The following NOS1AP variants were observed in gnomAD, a reference collection of about 807,000 sequenced individuals.
NOS1AP encodes nitric oxide synthase 1 adaptor protein.
NOS1AP carries 21 observed loss-of-function variants against 56.2 expected under a neutral mutation model. That is an observed-to-expected ratio of 0.37 (90% CI 0.26 to 0.54). The LOEUF (loss-of-function observed/expected upper bound fraction) is 0.54. Ranked by LOEUF, NOS1AP falls within the 20% of genes least tolerant of loss-of-function variation. NOS1AP has a pLI of 0.84. For synonymous variants in NOS1AP, 270 were observed against 274.6 expected (o/e 0.98, Z 0.17); for missense variants, 522 against 657.8 (o/e 0.79, Z 2.26).
At chr1:162,278,963 A>G (rs1039526145) in intron 2 of NOS1AP, among the ~76,000 whole-genome samples, 4 of 152,098 alleles carry the variant, frequency 2.6e-5, no homozygotes, top group African/African-American at 9.7e-5. Flanking sequence ...CATTTAGAGG[A>G]GTTTAGAGGA....
chr1:162,286,338 G>T (rs1394941393), intron 2 of NOS1AP, among the ~76,000 whole-genome samples: 1 of 152,226 alleles, frequency 6.6e-6, no homozygotes, highest in Non-Finnish European at 1.5e-5. Context: ...CCGGAGAAGG[G>T]ATGTGGGTGG....
At chr1:162,281,219 T>C (rs1011777635) in intron 2 of NOS1AP, among the ~76,000 whole-genome samples, 1 of 152,242 alleles carries the variant, frequency 6.6e-6, no homozygotes, top group East Asian at 1.9e-4. Context: ...AGATTAGTTC[T>C]TAAAGTCCTT....
chr1:162,142,529 T>A (rs1361137810), intron 1 of NOS1AP, among the ~76,000 whole-genome samples: 1 of 152,180 alleles, frequency 6.6e-6, no homozygotes, highest in African/African-American at 2.4e-5. Flanking sequence ...GAACTAACCT[T>A]TTATTCTTGG....
chr1:162,243,515 G>T (rs1458215831), intron 2 of NOS1AP, among the ~76,000 whole-genome samples: 1 of 152,196 alleles, frequency 6.6e-6, no homozygotes, highest in Non-Finnish European at 1.5e-5. Flanking sequence ...AGACAGAGAA[G>T]AGTGTAAGGT....
chr1:162,233,852 A>G lies in NOS1AP; in HGVS notation c.178-53492A>G, dbSNP rs186947752. On this transcript the variant is annotated intron_variant, in intron 2 of 9. Coordinates refer to ENST00000361897, the MANE Select transcript of NOS1AP (RefSeq NM_014697.3). ...GTATGAGATGTTTAACCTCTTCTCC[A>G]TGCTCCTGAATACTTTGGGATTGGA... 2.5e-3 allele frequency among the ~76,000 whole-genome samples: 377 copies of G among 152,298 alleles called. 1 individual carries two copies. The highest frequency in any genetic ancestry group is 7.7e-3 in the African/African-American group (320 of 41,562).
chr1:162,252,457 A>G (rs1422924652), intron 2 of NOS1AP, among the ~76,000 whole-genome samples: 2 of 152,190 alleles, frequency 1.3e-5, no homozygotes, highest in African/African-American at 4.8e-5. Context: ...CATGGATTGC[A>G]TGTGCAAATT....
At chr1:162,337,553 A>C (rs756664822) in intron 5 of NOS1AP, among the ~76,000 whole-genome samples, 1 of 152,138 alleles carries the variant, frequency 6.6e-6, no homozygotes, top group Non-Finnish European at 1.5e-5. Context: ...ATCTAGTCTG[A>C]ATCACTCTCT....
chr1:162,140,549 G>A (rs1020685240), intron 1 of NOS1AP, among the ~76,000 whole-genome samples: 19 of 152,108 alleles, frequency 1.2e-4, no homozygotes, highest in Admixed American at 2.0e-4. Context: ...GTTCACTGTC[G>A]ATGGACACCT....
chr1:162,174,476 G>A (rs1650963738), intron 2 of NOS1AP, among the ~76,000 whole-genome samples: 4 of 151,534 alleles, frequency 2.6e-5, no homozygotes, highest in Non-Finnish European at 5.9e-5. Context: ...GAGTTAATGG[G>A]TGCAGCACAC....
chr1:162,323,393 A>G (rs1019149974), intron 4 of NOS1AP, among the ~76,000 whole-genome samples: 2 of 152,244 alleles, frequency 1.3e-5, no homozygotes, highest in Non-Finnish European at 2.9e-5. Flanking sequence ...GTTTTAAGCT[A>G]TCCGACTTGT....
At chr1:162,089,808 T>C (rs1692088301) in intron 1 of NOS1AP, among the ~76,000 whole-genome samples, 1 of 152,218 alleles carries the variant, frequency 6.6e-6, no homozygotes, top group Non-Finnish European at 1.5e-5. Context: ...GTTTCTCCTC[T>C]AGAGCCTCTG....
intron 4 of NOS1AP, among the ~76,000 whole-genome samples, chr1:162,309,416 A>C (rs894757482): frequency 2.0e-5 from 3 of 152,242 alleles, no homozygotes; most frequent in African/African-American, 7.2e-5. Flanking sequence ...TTTTGATGGC[A>C]AAAAATGTAA....
At chr1:162,210,703 G>A (rs893776321) in intron 2 of NOS1AP, among the ~76,000 whole-genome samples, 4 of 152,170 alleles carry the variant, frequency 2.6e-5, no homozygotes, top group African/African-American at 9.7e-5. Context: ...CTTCTCCTGG[G>A]CTGCCTTCAT....
chr1:162,275,880 C>T (rs1006935248), intron 2 of NOS1AP, among the ~76,000 whole-genome samples: 4 of 152,082 alleles, frequency 2.6e-5, no homozygotes, highest in African/African-American at 7.2e-5. Context: ...TTTAATAGAG[C>T]GGAGACAGAA....
At chr1:162,341,136 C>T (rs1657094409) in intron 5 of NOS1AP, among the ~76,000 whole-genome samples, 1 of 152,180 alleles carries the variant, frequency 6.6e-6, no homozygotes, top group African/African-American at 2.4e-5. Flanking sequence ...ATTCCTACCC[C>T]TGTCTAATCC....
In NOS1AP at chr1:162,070,087, C is replaced by A; in HGVS notation, c.-91C>A. 9.3e-7 allele frequency: 1 copy of A among 1,072,484 alleles called. No individual in the cohort carries two copies. Among genetic ancestry groups the A allele is most frequent in the South Asian group, 1.3e-5 (1 of 76,480 alleles). 66.4% of individuals were successfully genotyped at this position (1,072,484 alleles called of 1,614,324 possible). A position where few individuals can be genotyped will look rare whatever the true frequency, so the allele number is the denominator to read the frequency against. On this transcript the variant is annotated 5_prime_UTR_variant, in exon 1 of 10. Transcript: ENST00000361897. ...GCTCCCAGGCCCCGCCACGCGTCGCCGCGCCCAGCTCCAGTCTCCCCTCCC... is the reference window on the plus strand; with the variant it reads ...GCTCCCAGGCCCCGCCACGCGTCGCAGCGCCCAGCTCCAGTCTCCCCTCCC...
At chr1:162,276,714 G>A (rs1197351942) in intron 2 of NOS1AP, among the ~76,000 whole-genome samples, 1 of 152,160 alleles carries the variant, frequency 6.6e-6, no homozygotes, top group Non-Finnish European at 1.5e-5. Context: ...CCTACTGACA[G>A]TAGATAATTA....
At chr1:162,210,603 G>C (rs1046544027) in intron 2 of NOS1AP, among the ~76,000 whole-genome samples, 7 of 152,176 alleles carry the variant, frequency 4.6e-5, no homozygotes, top group Non-Finnish European at 1.0e-4. Context: ...TGGAGTTGCT[G>C]TTCCACTCTG....
intron 1 of NOS1AP, among the ~76,000 whole-genome samples, chr1:162,118,372 T>C (rs2102048622): frequency 6.6e-6 from 1 of 152,364 alleles, no homozygotes; most frequent in Middle Eastern, 3.4e-3. Flanking sequence ...TTTCCATTCT[T>C]GCTTTAGTTT....
Sources: gnomAD v4.1 joint callset for allele counts (sites outside exome capture counted in the v4.1 genomes callset) on GRCh38, gnomAD v4.1.1 for gene constraint, MANE v1.5 for transcripts, NCBI Gene and HGNC (gene_info 2026-07-23, HGNC 2026-07-21) for gene names.